THSD7A: variants seen among roughly 807,000 people sequenced by gnomAD.
THSD7A encodes thrombospondin type 1 domain containing 7A.
A neutral mutation model predicts 231.3 loss-of-function variants in THSD7A; 96 were observed. That is an observed-to-expected ratio of 0.41 (90% CI 0.35 to 0.49). THSD7A has a LOEUF of 0.49. Ranked by LOEUF, THSD7A falls within the 20% of genes least tolerant of loss-of-function variation. The pLI is 0.05. For missense variants in THSD7A, 2,290 were observed against 2,070.2 expected, an observed-to-expected ratio of 1.11 and a Z score of -2.06; for synonymous variants, 940 against 743.3, an observed-to-expected ratio of 1.26 and a Z score of -4.30.
At chr7:11,517,812 A>T (rs1193878690) in intron 6 of THSD7A, among the ~76,000 whole-genome samples, 1 of 152,232 alleles carries the variant, frequency 6.6e-6, no homozygotes, top group Non-Finnish European at 1.5e-5. Context: ...CATTCTTCCC[A>T]TCTAGAATCA....
chr7:11,825,004 C>G (rs142491656), intron 1 of THSD7A, among the ~76,000 whole-genome samples: 2 of 152,002 alleles, frequency 1.3e-5, no homozygotes, highest in Admixed American at 6.6e-5. Flanking sequence ...GCTGTCTACA[C>G]ATAAGTGCCA....
intron 6 of THSD7A, among the ~76,000 whole-genome samples, chr7:11,510,696 C>CA (rs1457265887): frequency 6.6e-6 from 1 of 151,994 alleles, no homozygotes; most frequent in African/African-American, 2.4e-5. Context: ...TCAATAGATG[C>CA]AAAAAAGGCC....
At chr7:11,495,792 T>C (rs1225443835) in intron 6 of THSD7A, among the ~76,000 whole-genome samples, 1 of 152,110 alleles carries the variant, frequency 6.6e-6, no homozygotes, top group Non-Finnish European at 1.5e-5. Flanking sequence ...GTCTTTACCC[T>C]GAGGGTAAGA....
At chr7:11,559,351 T>C (rs1789982978) in intron 4 of THSD7A, among the ~76,000 whole-genome samples, 2 of 152,108 alleles carry the variant, frequency 1.3e-5, no homozygotes, top group South Asian at 2.1e-4. Context: ...CACACAGTTA[T>C]AAATAATTGC....
At position 11,814,678 on chromosome 7, in the gene THSD7A, G is replaced by T. The variant is rs1784626791; in HGVS notation, c.190+17079C>A. ...TATACAATGAGCCAAGAGAACTAAA[G>T]AAATTACATTAAATATTGCAGTAAG... On this transcript the variant is annotated intron_variant, in intron 1 of 27. Coordinates refer to ENST00000423059, the MANE Select transcript of THSD7A (RefSeq NM_015204.3). This position sits in a 1 kb window ranked among gnomAD's most constrained non-coding sequence, Gnocchi z 5.1. Among the ~76,000 whole-genome samples, 1 of 152,144 alleles carries T rather than the reference G, an allele frequency of 6.6e-6. No homozygotes were observed. The highest frequency in any genetic ancestry group is 1.9e-4 in the East Asian group (1 of 5,188).
intron 1 of THSD7A, among the ~76,000 whole-genome samples, chr7:11,790,956 G>C (rs760231432): frequency 2.0e-5 from 3 of 151,778 alleles, no homozygotes; most frequent in Non-Finnish European, 2.9e-5. Context: ...ATCCGTTATA[G>C]AGATCCCTCT....
Position 11,542,988 on chromosome 7 carries a change from T to A in THSD7A, c.1583A>T (p.Asn528Ile). 1 of 1,613,698 alleles carries A rather than the reference T, an allele frequency of 6.2e-7. No individual in the cohort carries two copies. The highest frequency in any genetic ancestry group is 8.5e-7 in the Non-Finnish European group (1 of 1,179,760). ...WSAWGPCTYE[N>I]CNDQQGKKGF... Reference sequence around the variant, plus strand: ...TTTTTTCCCTTGCTGATCATTACAGTTTTCATAAGTACAAGGTCCCCAAGC... The same window carrying A: ...TTTTTTCCCTTGCTGATCATTACAGATTTCATAAGTACAAGGTCCCCAAGC... Residue 528 changes from asparagine (N) to isoleucine (I), a missense_variant, in exon 5 of 28, where the codon AAC (asparagine) becomes ATC (isoleucine). Transcript: ENST00000423059.
At chr7:11,435,517 C>T (rs1784605894) in intron 13 of THSD7A, among the ~76,000 whole-genome samples, 4 of 151,996 alleles carry the variant, frequency 2.6e-5, no homozygotes, top group Admixed American at 2.6e-4. Flanking sequence ...TTCAGTCATG[C>T]CTATATAATG....
intron 1 of THSD7A, among the ~76,000 whole-genome samples, chr7:11,674,655 A>G (rs1438419381): frequency 6.6e-6 from 1 of 152,146 alleles, no homozygotes; most frequent in African/African-American, 2.4e-5. Flanking sequence ...CCATAATCAT[A>G]CTCACAAGGG....
In THSD7A at chr7:11,481,815, A is replaced by G; in HGVS notation, c.1990T>C (p.Ser664Pro). Residue 664 changes from serine to proline, a missense_variant, in exon 7 of 28, where the codon TCC becomes CCC. Coordinates refer to ENST00000423059, the MANE Select transcript of THSD7A (RefSeq NM_015204.3). Reference sequence around the variant, plus strand: ...TCTTCACCCGCATAGGCCAGAATGGATCGTGCTCGTATCTGTTTCCCTTCT... The same window carrying G: ...TCTTCACCCGCATAGGCCAGAATGGGTCGTGCTCGTATCTGTTTCCCTTCT... ...TTEGKQIRAR[S>P]ILAYAGEEGG... The G allele has an allele frequency of 6.2e-7, 1 of 1,613,506 alleles. No homozygotes were observed. The highest frequency in any genetic ancestry group is 8.5e-7 in the Non-Finnish European group (1 of 1,179,598).
intron 4 of THSD7A, among the ~76,000 whole-genome samples, chr7:11,546,974 G>C (rs1275195033): frequency 6.6e-6 from 1 of 152,168 alleles, no homozygotes; most frequent in Non-Finnish European, 1.5e-5. Context: ...TTGAAGAGTG[G>C]TTCTTCAAAT....
chr7:11,432,892 A>G (rs1335281386), intron 13 of THSD7A, among the ~76,000 whole-genome samples: 1 of 152,028 alleles, frequency 6.6e-6, no homozygotes, highest in Admixed American at 6.6e-5. Flanking sequence ...AATGAAGTAT[A>G]AAATAAATTT....
intron 11 of THSD7A, among the ~76,000 whole-genome samples, chr7:11,454,900 C>T (rs1429304153): frequency 1.3e-5 from 2 of 151,942 alleles, no homozygotes; most frequent in Non-Finnish European, 2.9e-5. Context: ...TAGCTCTGTA[C>T]ACTAAGATGA....
At chr7:11,504,929 T>C (rs1443223694) in intron 6 of THSD7A, among the ~76,000 whole-genome samples, 1 of 151,926 alleles carries the variant, frequency 6.6e-6, no homozygotes, top group African/African-American at 2.4e-5. Context: ...AGGTAAACAA[T>C]CCAAAACACT....
chr7:11,380,604 G>A (rs1051727667), intron 24 of THSD7A, among the ~76,000 whole-genome samples: 9 of 152,114 alleles, frequency 5.9e-5, no homozygotes, highest in African/African-American at 9.7e-5. Context: ...CAAGGCAATC[G>A]CAGTTAATTG....
At chr7:11,384,765 T>C (rs917374115) in intron 23 of THSD7A, 20 of 152,034 alleles carry the variant, frequency 1.3e-4, no homozygotes, top group South Asian at 4.1e-4. Flanking sequence ...TAAAGCCATG[T>C]AAGTCCCTTG....
At chr7:11,797,251 CTGT>C (rs1475169688) in intron 1 of THSD7A, among the ~76,000 whole-genome samples, 1 of 152,014 alleles carries the variant, frequency 6.6e-6, no homozygotes, top group African/African-American at 2.4e-5. Context: ...TTTCATAATG[CTGT>C]TGTTAATTAT....
chr7:11,812,105 T>TTGTGTGTGTGTG (rs34130500), intron 1 of THSD7A, among the ~76,000 whole-genome samples: 1 of 133,562 alleles, frequency 7.5e-6, no homozygotes, highest in Non-Finnish European at 1.6e-5. Context: ...GAAAAGAAAA[T>TTGTGTGTGTGTG]TGTGTGTGTG....
At chr7:11,646,440 T>C (rs1425814621) in intron 1 of THSD7A, among the ~76,000 whole-genome samples, 3 of 152,046 alleles carry the variant, frequency 2.0e-5, no homozygotes, top group African/African-American at 7.2e-5. Flanking sequence ...CTTTAGAGAA[T>C]GGATTGAAGG....
Sources: allele counts gnomAD v4.1 joint callset (sites outside exome capture counted in the v4.1 genomes callset), GRCh38; gene constraint gnomAD v4.1.1; non-coding constraint Gnocchi (gnomAD v3.1); transcripts MANE v1.5; gene names NCBI Gene and HGNC (gene_info 2026-07-23, HGNC 2026-07-21).